Variants in METAP1D observed in about 807,000 individuals in gnomAD.
METAP1D encodes methionine aminopeptidase 1D, mitochondrial.
In METAP1D, 31 loss-of-function variants were observed where a neutral mutation model predicts 40.5. That is an observed-to-expected ratio of 0.77 (90% CI 0.58 to 1.03). The LOEUF (loss-of-function observed/expected upper bound fraction) is 1.03, where lower values mean the gene tolerates loss of function less well. Ranked by LOEUF, METAP1D falls within the 50% of genes least tolerant of loss-of-function variation. The pLI is 0.00. For synonymous variants in METAP1D, 151 were observed against 146.4 expected (o/e 1.03, Z -0.22); for missense variants, 411 against 420.7 (o/e 0.98, Z 0.20).
rs186702644 is a variant in METAP1D at position 172,059,983 on chromosome 2, G to A, written c.41-1515G>A. Reference sequence around the variant, plus strand: ...GGAGAATTGCTTGGACCTGGGAGGCGGAGGTTGCAGTGAGCCAAGATCGCG... The same window carrying A: ...GGAGAATTGCTTGGACCTGGGAGGCAGAGGTTGCAGTGAGCCAAGATCGCG... On this transcript the variant is annotated intron_variant, in intron 1 of 9. Coordinates refer to ENST00000315796, the MANE Select transcript of METAP1D (RefSeq NM_199227.3). 4.7e-3 allele frequency among the ~76,000 whole-genome samples: 709 copies of A among 152,196 alleles called. 4 individuals are homozygous for A. Among genetic ancestry groups the A allele is most frequent in the African/African-American group, 0.015 (636 of 41,520 alleles).
chr2:172,010,897 G>C (rs576870158), intron 1 of METAP1D, among the ~76,000 whole-genome samples: 1 of 151,866 alleles, frequency 6.6e-6, no homozygotes, highest in East Asian at 1.9e-4. Flanking sequence ...TGGGATTACA[G>C]GTACATGCCA....
chr2:172,040,698 G>A (rs1689498831), intron 1 of METAP1D, among the ~76,000 whole-genome samples: 1 of 151,068 alleles, frequency 6.6e-6, no homozygotes. Context: ...AAGACTAGGG[G>A]AAATATCGTA....
chr2:172,073,187 G>C (rs1023847108), intron 6 of METAP1D, among the ~76,000 whole-genome samples: 2 of 152,216 alleles, frequency 1.3e-5, no homozygotes, highest in Admixed American at 6.5e-5. Context: ...TTCAAGTGGC[G>C]GCTGGGTGCT....
chr2:172,072,899 G>A (rs748149059), intron 6 of METAP1D, among the ~76,000 whole-genome samples: 18 of 152,126 alleles, frequency 1.2e-4, no homozygotes, highest in Non-Finnish European at 2.6e-4. Flanking sequence ...TCTACACAGA[G>A]GAACAGGCGT....
rs1328970574 is a variant in METAP1D at position 172,080,190 on chromosome 2, T to C, written c.913T>C (p.Ser305Pro). 2 of 1,614,212 alleles carry C rather than the reference T, an allele frequency of 1.2e-6. No homozygotes were observed. Among genetic ancestry groups the C allele is most frequent in the Non-Finnish European group, 8.5e-7 (1 of 1,180,008 alleles). Residue 305 changes from serine to proline, a missense_variant, in exon 9 of 10, where the codon TCC (serine) becomes CCC (proline). Ser to Pro is a moderately conservative substitution (Grantham distance 74, BLOSUM62 -1). Transcript: ENST00000315796. ...CCTGGAGGATGCATGGACTGTGGTC[T>C]CCCTAGACAATCAAAGGTGTTTGCT... is the stretch of plus-strand genomic sequence containing the variant. ...KVLEDAWTVV[S>P]LDNQRSAQFE... is the part of the protein sequence containing the mutation.
intron 1 of METAP1D, among the ~76,000 whole-genome samples, chr2:172,002,311 A>C (rs1688485223): frequency 6.6e-6 from 1 of 152,152 alleles, no homozygotes; most frequent in Admixed American, 6.6e-5. Context: ...TATATGTATT[A>C]GGTTGGTACA....
At chr2:172,061,297 T>C (rs936523182) in intron 1 of METAP1D, among the ~76,000 whole-genome samples, 1 of 152,250 alleles carries the variant, frequency 6.6e-6, no homozygotes, top group Non-Finnish European at 1.5e-5. Context: ...TATGTAAACA[T>C]AGTATTAGCT....
intron 7 of METAP1D, among the ~76,000 whole-genome samples, 160 bp downstream of exon 7, chr2:172,078,054 A>G (rs1406770840): frequency 6.6e-6 from 1 of 151,996 alleles, no homozygotes; most frequent in Non-Finnish European, 1.5e-5. Flanking sequence ...GCTTAATTTT[A>G]ACCGGGACAT....
chr2:172,019,099 C>T (rs774067040), intron 1 of METAP1D, among the ~76,000 whole-genome samples: 52 of 152,150 alleles, frequency 3.4e-4, no homozygotes, highest in Admixed American at 5.9e-4. Context: ...TACCTGTAAT[C>T]CCAGCACTCT....
At chr2:172,011,021 C>T (rs1473682991) in intron 1 of METAP1D, among the ~76,000 whole-genome samples, 1 of 152,164 alleles carries the variant, frequency 6.6e-6, no homozygotes, top group Non-Finnish European at 1.5e-5. Flanking sequence ...TCCCATAGTG[C>T]TGGGATTACA....
At chr2:172,056,772 A>G (rs1004932882) in intron 1 of METAP1D, among the ~76,000 whole-genome samples, 1 of 152,186 alleles carries the variant, frequency 6.6e-6, no homozygotes, top group African/African-American at 2.4e-5. Flanking sequence ...CGTGGTAGGG[A>G]GAGCACTACT....
intron 6 of METAP1D, among the ~76,000 whole-genome samples, chr2:172,073,242 A>G (rs866625772): frequency 2.6e-5 from 4 of 152,176 alleles, no homozygotes; most frequent in Admixed American, 6.5e-5. Context: ...TCTTTACAAA[A>G]AAGAGCCACA....
intron 1 of METAP1D, among the ~76,000 whole-genome samples, chr2:172,006,475 G>A (rs6733794): frequency 0.43 from 65,287 of 151,980 alleles, 15,563 homozygotes; most frequent in Middle Eastern, 0.59. Context: ...GAGCCACTGC[G>A]CCTGGCCAAT....
rs1690706166 is a variant in METAP1D, at chr2:172,081,211, T to A, written c.*805T>A. The A allele has an allele frequency of 7.2e-6, 1 of 139,050 alleles. No homozygotes were observed. The highest frequency in any genetic ancestry group is 1.5e-5 in the Non-Finnish European group (1 of 64,730). 8.6% of individuals were successfully genotyped at this position (139,050 alleles called of 1,614,324 possible). On this transcript the variant is annotated 3_prime_UTR_variant, in exon 10 of 10. Coordinates refer to ENST00000315796, the MANE Select transcript of METAP1D (RefSeq NM_199227.3). The stretch of plus-strand genomic sequence containing the variant: ...CACGCACGCACGCTAGACCGTTTGC[T>A]GCACTAGGAATTCGAGCTTGGGCCC...
chr2:172,020,639 C>T (rs769886423), intron 1 of METAP1D, among the ~76,000 whole-genome samples: 1 of 152,138 alleles, frequency 6.6e-6, no homozygotes, highest in South Asian at 2.1e-4. Flanking sequence ...AAACCCCCTA[C>T]CCTATAGGAG....
chr2:172,051,781 C>T (rs375811689), intron 1 of METAP1D, among the ~76,000 whole-genome samples: 3 of 152,306 alleles, frequency 2.0e-5, no homozygotes, highest in South Asian at 2.1e-4. Flanking sequence ...CAGTATCCAT[C>T]TCAACTTCAT....
chr2:172,019,809 A>G (rs982348284), intron 1 of METAP1D, among the ~76,000 whole-genome samples: 1 of 152,176 alleles, frequency 6.6e-6, no homozygotes, highest in African/African-American at 2.4e-5. Context: ...TCTTGGTTCC[A>G]GTGGCTTCCT....
intron 1 of METAP1D, among the ~76,000 whole-genome samples, chr2:172,028,215 G>T (rs190793879): frequency 6.6e-6 from 1 of 152,352 alleles, no homozygotes; most frequent in Non-Finnish European, 1.5e-5. Context: ...AGTGACATTT[G>T]AGCTGAGGCT....
intron 1 of METAP1D, among the ~76,000 whole-genome samples, chr2:172,010,514 A>C (rs1206822333): frequency 1.6e-4 from 4 of 25,102 alleles, no homozygotes; most frequent in African/African-American, 4.7e-4. Context: ...TTTTTTTTTT[A>C]ACAGAATCTC....
Sources: gnomAD v4.1 joint callset for allele counts (sites outside exome capture counted in the v4.1 genomes callset) on GRCh38, gnomAD v4.1.1 for gene constraint, MANE v1.5 for transcripts, NCBI Gene and HGNC (gene_info 2026-07-23, HGNC 2026-07-21) for gene names.